The following DRD2 variants were observed in gnomAD, a reference collection of about 807,000 sequenced individuals.
DRD2 encodes the protein D(2) dopamine receptor.
A neutral mutation model predicts 38.0 loss-of-function variants in DRD2; 8 were observed. That is an observed-to-expected ratio of 0.21 (90% CI 0.12 to 0.38). DRD2 has a LOEUF of 0.38. Among genes scored for constraint, DRD2 ranks in the 10% least tolerant of loss-of-function variants. DRD2 has a pLI of 1.00. For missense variants in DRD2, 403 were observed against 607.7 expected, an observed-to-expected ratio of 0.66 and a Z score of 3.54; for synonymous variants, 230 against 238.6, an observed-to-expected ratio of 0.96 and a Z score of 0.33.
chr11:113,468,665 A>G lies in DRD2; in HGVS notation c.-32+6411T>C, dbSNP rs188524567. Among the ~76,000 whole-genome samples, 55 of 152,254 alleles carry G rather than the reference A, an allele frequency of 3.6e-4. 1 individual carries two copies. Among genetic ancestry groups the G allele is most frequent in the African/African-American group, 1.3e-3 (54 of 41,540 alleles). On this transcript the variant is annotated intron_variant, in intron 1 of 7. Transcript: ENST00000362072. ...CAGGTTCAAGCAATTTTCCTGCCTC[A>G]GCCTCCTGAGTAGCTGAGACCACAG... is the stretch of plus-strand genomic sequence containing the variant.
At chr11:113,473,863 G>C (rs1208612508) in intron 1 of DRD2, among the ~76,000 whole-genome samples, 1 of 152,254 alleles carries the variant, frequency 6.6e-6, no homozygotes, top group African/African-American at 2.4e-5. Flanking sequence ...ATGAATCAGA[G>C]ATAAGCATGC....
At chr11:113,439,833 T>C (rs1951070906) in intron 1 of DRD2, among the ~76,000 whole-genome samples, 1 of 67,962 alleles carries the variant, frequency 1.5e-5, no homozygotes, top group Admixed American at 2.7e-4. Flanking sequence ...AGGGAGGCTC[T>C]GTCTCAAAAA....
chr11:113,412,452 G>T, intron 7 of DRD2, 104 bp downstream of exon 7: 1 of 1,437,646 alleles, frequency 7.0e-7, no homozygotes, highest in South Asian at 1.2e-5. Context: ...CTGTGCCTGA[G>T]GAAATGCTAG....
intron 1 of DRD2, among the ~76,000 whole-genome samples, chr11:113,434,510 G>A (rs1476076588): frequency 6.6e-6 from 1 of 152,204 alleles, no homozygotes; most frequent in Non-Finnish European, 1.5e-5. Flanking sequence ...CAGCTGGTTC[G>A]GGTCCTTGCA....
rs138054337 is a variant in DRD2, at chr11:113,428,146, A to G, written c.-31-3464T>C. Reference sequence around the variant, plus strand: ...TCTGTGGAATTTTGTCATAGCAGCCAGAGCAGACTAATACAGGTCCCTAGA... The same window carrying G: ...TCTGTGGAATTTTGTCATAGCAGCCGGAGCAGACTAATACAGGTCCCTAGA... On this transcript the variant is annotated intron_variant, in intron 1 of 7. Coordinates refer to ENST00000362072, the MANE Select transcript of DRD2 (RefSeq NM_000795.4). 8.7e-4 allele frequency among the ~76,000 whole-genome samples: 132 copies of G among 152,332 alleles called. 1 individual carries two copies. Among genetic ancestry groups the G allele is most frequent in the African/African-American group, 3.0e-3 (124 of 41,588 alleles).
chr11:113,452,227 G>A (rs1441420223), intron 1 of DRD2, among the ~76,000 whole-genome samples: 1 of 152,162 alleles, frequency 6.6e-6, no homozygotes, highest in Non-Finnish European at 1.5e-5. Context: ...AACCTCTCCA[G>A]GAGTCAGATA....
In DRD2 at chr11:113,412,885, T is replaced by C; in HGVS notation, c.811-2A>G. ...CTCCTGGGCTCGCCGGGCAGCCTCC[T>C]GCACCAGAGGCAGAGGGCTCTGGGT... On this transcript the variant is annotated splice_acceptor_variant, in intron 6 of 7. Transcript: ENST00000362072. LOFTEE classifies it high-confidence loss of function. The C allele has an allele frequency of 6.2e-7, 1 of 1,610,408 alleles. No individual in the cohort carries two copies. Among genetic ancestry groups the C allele is most frequent in the Non-Finnish European group, 8.5e-7 (1 of 1,179,640 alleles).
chr11:113,441,976 C>T (rs921982558), intron 1 of DRD2, among the ~76,000 whole-genome samples: 7 of 151,526 alleles, frequency 4.6e-5, no homozygotes, highest in Non-Finnish European at 7.4e-5. Context: ...TACACCTCCA[C>T]GCTTGTTCCC....
chr11:113,427,550 C>T (rs1950951224), intron 1 of DRD2, among the ~76,000 whole-genome samples: 1 of 152,164 alleles, frequency 6.6e-6, no homozygotes, highest in Admixed American at 6.6e-5. Context: ...CTTGTTCTTT[C>T]CCAACTCTTG....
chr11:113,435,532 C>G (rs2119828232), intron 1 of DRD2, among the ~76,000 whole-genome samples: 1 of 152,200 alleles, frequency 6.6e-6, no homozygotes, highest in South Asian at 2.1e-4. Flanking sequence ...GGGGCCCCCT[C>G]CCTGAGAAGG....
intron 1 of DRD2, among the ~76,000 whole-genome samples, chr11:113,448,619 G>A (rs947845917): frequency 1.3e-5 from 2 of 152,226 alleles, no homozygotes; most frequent in Admixed American, 6.5e-5. Flanking sequence ...GAGCCAGAGG[G>A]CCTGGTGTTG....
intron 1 of DRD2, among the ~76,000 whole-genome samples, chr11:113,438,433 T>C (rs544770198): frequency 6.6e-6 from 1 of 152,292 alleles, no homozygotes; most frequent in South Asian, 2.1e-4. Context: ...TTGCAACAGC[T>C]GCCGGAAAGG....
Position 113,410,919 on chromosome 11 carries a change from G to A in DRD2, c.1140C>T (p.Gly380=), listed in dbSNP as rs201123323. The part of the protein sequence containing the change: ...KATQMLAIVL[G]VFIICWLPFF... The stretch of plus-strand genomic sequence containing the variant: ...AGGGCAGCCAGCAGATGATGAACAC[G>A]CCTGGGGGAGAGGGCATGGTCAGGC... The change falls in exon 8 of 8, where the codon GGC becomes GGT. Residue 380 remains glycine (G), a splice_region_variant and synonymous_variant. Transcript: ENST00000362072. 1.4e-5 allele frequency: 22 copies of A among 1,608,796 alleles called. No homozygotes were observed. The highest frequency in any genetic ancestry group is 1.7e-5 in the Admixed American group (1 of 59,920).
chr11:113,436,081 G>T (rs1269198549), intron 1 of DRD2, among the ~76,000 whole-genome samples: 1 of 152,174 alleles, frequency 6.6e-6, no homozygotes, highest in Non-Finnish European at 1.5e-5. Flanking sequence ...GCTCCAGCAG[G>T]CTGACACCGG....
chr11:113,458,601 A>G lies in DRD2; in HGVS notation c.-32+16475T>C, dbSNP rs151314049. On this transcript the variant is annotated intron_variant, in intron 1 of 7. Transcript: ENST00000362072. ...CTGGGGGAAAAAATGCTGGTCCACC[A>G]CAACTTATGCTGTGTGTATATCATC... Among the ~76,000 whole-genome samples the G allele has an allele frequency of 5.1e-3, 771 of 152,388 alleles. 5 individuals are homozygous for G. Among genetic ancestry groups the G allele is most frequent in the African/African-American group, 0.017 (726 of 41,592 alleles).
chr11:113,419,931 G>A (rs970376739), intron 2 of DRD2, among the ~76,000 whole-genome samples: 21 of 152,194 alleles, frequency 1.4e-4, no homozygotes, highest in Non-Finnish European at 2.8e-4. Context: ...TGGGGGCCCC[G>A]TACCAGGGCC....
chr11:113,465,251 C>A (rs989468880), intron 1 of DRD2, among the ~76,000 whole-genome samples: 4 of 152,278 alleles, frequency 2.6e-5, no homozygotes, highest in African/African-American at 9.6e-5. Flanking sequence ...CAGGTGTGAG[C>A]CACCACATCC....
At chr11:113,460,186 C>T (rs1053259271) in intron 1 of DRD2, among the ~76,000 whole-genome samples, 4 of 152,246 alleles carry the variant, frequency 2.6e-5, no homozygotes, top group Non-Finnish European at 4.4e-5. Flanking sequence ...TATTCCAGTT[C>T]CCTCAGTGGG....
At chr11:113,458,324 T>C (rs1951285832) in intron 1 of DRD2, among the ~76,000 whole-genome samples, 1 of 152,268 alleles carries the variant, frequency 6.6e-6, no homozygotes, top group Non-Finnish European at 1.5e-5. Context: ...TTTCCTTTTT[T>C]ATTGCATATG....
Sources: gnomAD v4.1 joint callset for allele counts (sites outside exome capture counted in the v4.1 genomes callset) on GRCh38, gnomAD v4.1.1 for gene constraint, MANE v1.5 for transcripts, NCBI Gene and HGNC (gene_info 2026-07-23, HGNC 2026-07-21) for gene names.